The following MFHAS1 variants were observed in gnomAD, a reference collection of about 807,000 sequenced individuals.
MFHAS1 encodes malignant fibrous histiocytoma-amplified sequence 1.
In MFHAS1, 50 loss-of-function variants were observed where a neutral mutation model predicts 70.4. The observed-to-expected ratio is 0.71, with a 90% confidence interval of 0.57 to 0.90. MFHAS1 has a LOEUF of 0.90. Among genes scored for constraint, MFHAS1 ranks in the 40% least tolerant of loss-of-function variants. MFHAS1 has a pLI of 0.00. For missense variants in MFHAS1, 1,795 were observed against 1,347.6 expected (o/e 1.33, Z -5.20); for synonymous variants, 952 against 620.0 (o/e 1.54, Z -7.96).
chr8:8,826,551 G>C (rs769610050), intron 1 of MFHAS1, among the ~76,000 whole-genome samples: 8 of 152,092 alleles, frequency 5.3e-5, no homozygotes, highest in African/African-American at 1.9e-4. Flanking sequence ...TGGCCAACAC[G>C]GCGAAACCTC....
chr8:8,863,321 T>C (rs1384435323), intron 1 of MFHAS1, among the ~76,000 whole-genome samples: 4 of 152,220 alleles, frequency 2.6e-5, no homozygotes, highest in African/African-American at 4.8e-5. Context: ...TCACCCCCAA[T>C]GGATATATCA....
rs151021169 is a variant in MFHAS1, at chr8:8,882,809, A to G, written c.2998+7252T>C. On this transcript the variant is annotated intron_variant, in intron 1 of 2. Coordinates refer to ENST00000276282, the MANE Select transcript of MFHAS1 (RefSeq NM_004225.3). ...TGAAGTGAAGGCTGCCAGCCCCCAG[A>G]AGAAGGTAAACCTGACAACCACCCC... 2.6e-3 allele frequency among the ~76,000 whole-genome samples: 396 copies of G among 152,206 alleles called. 1 individual carries two copies. Among genetic ancestry groups the G allele is most frequent in the African/African-American group, 9.0e-3 (373 of 41,532 alleles).
Position 8,805,010 on chromosome 8 carries a change from G to C in MFHAS1, c.2999-7519C>G, listed in dbSNP as rs965979358. Among the ~76,000 whole-genome samples, 5 of 152,258 alleles carry C rather than the reference G, an allele frequency of 3.3e-5. No individual in the cohort carries two copies. In the East Asian group the frequency reaches 5.8e-4, roughly 18 times the overall value. ...GAAGGGGATGACTAAATGATCTCAG[G>C]TTTGCTAAACCAAGAAGAGCTGCAG... On this transcript the variant is annotated intron_variant, in intron 1 of 2. Coordinates refer to ENST00000276282, the MANE Select transcript of MFHAS1 (RefSeq NM_004225.3).
intron 1 of MFHAS1, among the ~76,000 whole-genome samples, chr8:8,846,088 A>C (rs960153454): frequency 3.3e-5 from 5 of 151,918 alleles, no homozygotes; most frequent in African/African-American, 9.7e-5. Context: ...CCCTGTCTCT[A>C]CTAAAAACAC....
At chr8:8,875,715 T>C (rs1431705066) in intron 1 of MFHAS1, among the ~76,000 whole-genome samples, 1 of 152,090 alleles carries the variant, frequency 6.6e-6, no homozygotes, top group Non-Finnish European at 1.5e-5. Flanking sequence ...CTCAGCCTCC[T>C]GAGTAGCTGG....
intron 1 of MFHAS1, among the ~76,000 whole-genome samples, chr8:8,858,321 C>T (rs1430525733): frequency 2.6e-5 from 4 of 152,100 alleles, no homozygotes; most frequent in African/African-American, 9.7e-5. Flanking sequence ...CTAAGCAAGT[C>T]TCAGATGTCT....
Position 8,891,833 on chromosome 8 carries a change from C to G in MFHAS1, c.1226G>C (p.Arg409Pro). The stretch of plus-strand genomic sequence containing the variant: ...ATGCCCCATCAGGAGCAGCTTGAGC[C>G]GGGGCTGCACCGCCGGCTGGGAATG... ...LAHSQPAVQP[R>P]LKLLLMGHKA... The change falls in exon 1 of 3, where the codon CGG becomes CCG. Residue 409 changes from arginine (R) to proline (P), a missense_variant. Transcript: ENST00000276282. This position sits in a 1 kb window ranked among gnomAD's most constrained non-coding sequence, Gnocchi z 5.4. The G allele has an allele frequency of 6.2e-7, 1 of 1,612,928 alleles. No individual in the cohort carries two copies.
intron 1 of MFHAS1, among the ~76,000 whole-genome samples, chr8:8,831,981 C>T (rs1321539026): frequency 1.3e-5 from 2 of 151,248 alleles, no homozygotes; most frequent in Admixed American, 6.6e-5. Flanking sequence ...GCAAATGGTG[C>T]TAAAACAACT....
At chr8:8,846,124 G>A (rs151139769) in intron 1 of MFHAS1, among the ~76,000 whole-genome samples, 6,936 of 151,528 alleles carry the variant, frequency 0.046, 527 homozygotes, top group African/African-American at 0.16. Flanking sequence ...ATGGTGGCAC[G>A]CATCTGTAAT....
At position 8,890,112 on chromosome 8, in the gene MFHAS1, G is replaced by T; in HGVS notation, c.2947C>A (p.Leu983Ile). 6.2e-7 allele frequency: 1 copy of T among 1,613,854 alleles called. No homozygotes were observed. The highest frequency in any genetic ancestry group is 2.2e-5 in the East Asian group (1 of 44,888). ...WPGLHYTVHI[L>I]CSKCLKRGSP... ...CCTCTCTTAAGGCACTTAGAACAGA[G>T]AATGTGCACGGTGTAGTGCAGTCCA... Residue 983 changes from leucine to isoleucine, a missense_variant, in exon 1 of 3, where the codon CTC becomes ATC. Physicochemically the swap from Leu to Ile is conservative, Grantham distance 5. Coordinates refer to ENST00000276282, the MANE Select transcript of MFHAS1 (RefSeq NM_004225.3).
At chr8:8,819,608 C>CACAAA (rs1806872001) in intron 1 of MFHAS1, among the ~76,000 whole-genome samples, 2 of 91,262 alleles carry the variant, frequency 2.2e-5, no homozygotes, top group Non-Finnish European at 4.5e-5. Context: ...CAACTCAAAA[C>CACAAA]AAAAAAAAAA....
At chr8:8,832,141 C>T (rs1244233940) in intron 1 of MFHAS1, among the ~76,000 whole-genome samples, 2 of 149,532 alleles carry the variant, frequency 1.3e-5, no homozygotes, top group Admixed American at 6.7e-5. Flanking sequence ...AAGCCAAAAT[C>T]ACAAACTTCT....
chr8:8,825,064 C>T (rs1034587843), intron 1 of MFHAS1, among the ~76,000 whole-genome samples: 2 of 152,234 alleles, frequency 1.3e-5, no homozygotes, highest in African/African-American at 4.8e-5. Flanking sequence ...AGAGATTCTG[C>T]AAAATGCAGA....
chr8:8,823,801 T>C (rs1807053655), intron 1 of MFHAS1, among the ~76,000 whole-genome samples: 1 of 144,032 alleles, frequency 6.9e-6, no homozygotes, highest in African/African-American at 2.6e-5. Context: ...GCACAGAAGA[T>C]AGTGGGGGCT....
intron 1 of MFHAS1, among the ~76,000 whole-genome samples, chr8:8,866,308 CTTCT>C (rs1411909506): frequency 6.7e-6 from 1 of 150,304 alleles, no homozygotes; most frequent in African/African-American, 2.4e-5. Flanking sequence ...GCAAGGATCA[CTTCT>C]TTTTTGTTTT....
chr8:8,877,301 C>CAAAAAAAAAAAAAAAAAAAAAAA (rs3989409), intron 1 of MFHAS1, among the ~76,000 whole-genome samples: 2 of 63,794 alleles, frequency 3.1e-5, no homozygotes, highest in African/African-American at 1.0e-4. Flanking sequence ...GACCCTGCCT[C>CAAAAAAAAAAAAAAAAAAAAAAA]AAAAAAAAAA....
rs1563224432 is a variant in MFHAS1, at chr8:8,890,988, GGCCCAAGCGCGCC to G, written c.2058_2070del (p.Ala687CysfsTer5). 6.2e-7 allele frequency: 1 copy of G among 1,614,008 alleles called. No homozygotes were observed. The highest frequency in any genetic ancestry group is 8.5e-7 in the Non-Finnish European group (1 of 1,179,998). Reference sequence around the variant, plus strand: ...CGGTCCTCGGTCAGACCCGCCTGCAGGCCCAAGCGCGCCGAGTCCCACCAGCTTAGCCACAGTC... The same window carrying G: ...CGGTCCTCGGTCAGACCCGCCTGCAGGAGTCCCACCAGCTTAGCCACAGTC... On this transcript the variant is annotated frameshift_variant, in exon 1 of 3. Coordinates refer to ENST00000276282, the MANE Select transcript of MFHAS1 (RefSeq NM_004225.3). LOFTEE classifies it high-confidence loss of function.
chr8:8,869,967 A>G (rs1809010445), intron 1 of MFHAS1, among the ~76,000 whole-genome samples: 2 of 152,082 alleles, frequency 1.3e-5, no homozygotes, highest in African/African-American at 4.8e-5. Context: ...TTCTTACTCC[A>G]TTGAAATCCA....
At chr8:8,836,201 A>G (rs1376783800) in intron 1 of MFHAS1, among the ~76,000 whole-genome samples, 1 of 152,208 alleles carries the variant, frequency 6.6e-6, no homozygotes, top group African/African-American at 2.4e-5. Context: ...TATGTGAGAA[A>G]AGCACACTGT....
Sources: gnomAD v4.1 joint callset for allele counts (sites outside exome capture counted in the v4.1 genomes callset) on GRCh38, gnomAD v4.1.1 for gene constraint, Gnocchi (gnomAD v3.1) non-coding constraint, MANE v1.5 for transcripts, NCBI Gene and HGNC (gene_info 2026-07-23, HGNC 2026-07-21) for gene names.